The following TRANK1 variants were observed in gnomAD, a reference collection of about 807,000 sequenced individuals.
The protein encoded by TRANK1 is TPR and ankyrin repeat-containing protein 1.
In TRANK1, 198 loss-of-function variants were observed where a neutral mutation model predicts 266.0. The observed-to-expected ratio is 0.74, with a 90% CI of 0.66 to 0.84. TRANK1 has a LOEUF of 0.84. Ranked by LOEUF, TRANK1 falls within the 40% of genes least tolerant of loss-of-function variation. TRANK1 has a pLI of 0.00. For missense variants in TRANK1, 3,326 were observed against 3,634.6 expected (o/e 0.92, Z 2.18); for synonymous variants, 1,396 against 1,384.1 (o/e 1.01, Z -0.19).
At chr3:36,878,285 C>A (rs1327994037) in intron 8 of TRANK1, among the ~76,000 whole-genome samples, 3 of 152,300 alleles carry the variant, frequency 2.0e-5, no homozygotes, top group Non-Finnish European at 4.4e-5. Context: ...AAACCATCCT[C>A]TTCTCCCACC....
chr3:36,868,674 G>C (rs1436440973), intron 9 of TRANK1, among the ~76,000 whole-genome samples: 5 of 151,958 alleles, frequency 3.3e-5, no homozygotes, highest in Admixed American at 2.0e-4. Context: ...TTTTCTGGCA[G>C]GTACAATTAC....
At chr3:36,834,237 T>C (rs1287185635) in intron 21 of TRANK1, 1 of 242,534 alleles carries the variant, frequency 4.1e-6, no homozygotes, top group Admixed American at 5.1e-5. Context: ...TTATGCATAG[T>C]CTAAATTATC....
rs771757594 is a variant in TRANK1 at position 36,857,383 on chromosome 3, G to T, written c.2339C>A (p.Ala780Asp). ...KDDKPTLGAGAPDCSEVGEGH... is the reference protein window; with the variant it reads ...KDDKPTLGAGDPDCSEVGEGH... Reference sequence around the variant, plus strand: ...TTCCCCCACCTCACTACAGTCAGGGGCCCCTGCACCCAGAGTCGGCTTGTC... The same window carrying T: ...TTCCCCCACCTCACTACAGTCAGGGTCCCCTGCACCCAGAGTCGGCTTGTC... Residue 780 changes from alanine to aspartate, a missense_variant, in exon 13 of 24, where the codon GCC (alanine) becomes GAC (aspartate). Transcript: ENST00000645898. The surrounding 1 kb of genome is among the most constrained non-coding windows in gnomAD (Gnocchi z 4.3). The T allele has an allele frequency of 1.2e-6, 2 of 1,610,716 alleles. No homozygotes were observed. The highest frequency in any genetic ancestry group is 1.3e-5 in the African/African-American group (1 of 74,806).
intron 1 of TRANK1, among the ~76,000 whole-genome samples, chr3:36,912,392 C>T (rs2080064756): frequency 6.6e-6 from 1 of 152,156 alleles, no homozygotes; most frequent in Non-Finnish European, 1.5e-5. Context: ...AAGATCAGCA[C>T]CCAGTAAAAT....
intron 9 of TRANK1, among the ~76,000 whole-genome samples, chr3:36,866,046 G>GAAAGAA (rs1491500618): frequency 8.5e-6 from 1 of 117,618 alleles, no homozygotes; most frequent in Non-Finnish European, 1.8e-5. Flanking sequence ...GAGACAGACA[G>GAAAGAA]AAAGAAAAAG....
rs768738796 is a variant in TRANK1, at chr3:36,832,781, T to C, written c.6802A>G (p.Ile2268Val). The C allele has an allele frequency of 2.5e-6, 4 of 1,614,042 alleles. No individual in the cohort carries two copies. The South Asian group carries it at 4.4e-5, about 18-fold the overall frequency. The part of the protein sequence containing the change: ...STDMYGLCKS[I>V]LDVLFPKHFH... ...TGCTTAGGGAAAAGGACATCCAGAA[T>C]GGACTTGCAAAGGCCATACATATCT... The change falls in exon 22 of 24, where the codon ATT (isoleucine) becomes GTT (valine). Residue 2268 changes from isoleucine (I) to valine (V), a missense_variant. By Grantham distance (29) the Ile-to-Val change is conservative. Coordinates refer to ENST00000645898, the MANE Select transcript of TRANK1 (RefSeq NM_001329998.2).
chr3:36,908,088 G>A (rs2079999593), intron 2 of TRANK1, among the ~76,000 whole-genome samples: 1 of 152,222 alleles, frequency 6.6e-6, no homozygotes, highest in African/African-American at 2.4e-5. Context: ...CCCCTAGCCA[G>A]CCAGAACGGG....
intron 23 of TRANK1, among the ~76,000 whole-genome samples, chr3:36,829,159 C>T (rs902819147): frequency 6.6e-6 from 1 of 152,184 alleles, no homozygotes; most frequent in Non-Finnish European, 1.5e-5. Flanking sequence ...AGGCGCAGAA[C>T]AACACTAATA....
intron 1 of TRANK1, among the ~76,000 whole-genome samples, chr3:36,914,948 C>T (rs2080104694): frequency 6.7e-6 from 1 of 148,436 alleles, no homozygotes; most frequent in South Asian, 2.2e-4. Flanking sequence ...TATTTTATTT[C>T]TTTTTTGTTT....
chr3:36,934,057 A>G (rs1380534390), intron 1 of TRANK1, among the ~76,000 whole-genome samples: 6 of 152,246 alleles, frequency 3.9e-5, no homozygotes, highest in African/African-American at 1.4e-4. Flanking sequence ...GGCATGCTCT[A>G]GATGGCTGCT....
At chr3:36,919,334 T>C (rs2080181537) in intron 1 of TRANK1, among the ~76,000 whole-genome samples, 1 of 152,244 alleles carries the variant, frequency 6.6e-6, no homozygotes, top group Admixed American at 6.5e-5. Flanking sequence ...TTCACCACTA[T>C]TCTGATCTGT....
Position 36,832,359 on chromosome 3 carries a change from C to G in TRANK1, c.7224G>C (p.Arg2408=). 6.2e-7 allele frequency: 1 copy of G among 1,614,022 alleles called. No individual in the cohort carries two copies. Among genetic ancestry groups the G allele is most frequent in the Non-Finnish European group, 8.5e-7 (1 of 1,179,890 alleles). ...NMDKTHLCFI[R]LLENCIDQFY... ...ATTGATCAATGCAATTCTCCAGAAG[C>G]CGGATGAAGCACAGGTGGGTCTTGT... The change falls in exon 22 of 24, where the codon CGG becomes CGC. Residue 2408 remains arginine (R), a synonymous_variant. Transcript: ENST00000645898.
At chr3:36,898,623 G>A (rs540629002) in intron 4 of TRANK1, among the ~76,000 whole-genome samples, 21 of 152,234 alleles carry the variant, frequency 1.4e-4, no homozygotes, top group African/African-American at 3.6e-4. Flanking sequence ...AGGCCAAGGC[G>A]GGCGGATCAC....
intron 1 of TRANK1, among the ~76,000 whole-genome samples, chr3:36,932,605 A>T (rs2080375121): frequency 6.6e-6 from 1 of 152,248 alleles, no homozygotes; most frequent in Non-Finnish European, 1.5e-5. Context: ...AGTTAGAGCT[A>T]TCAGAGTGTC....
intron 4 of TRANK1, among the ~76,000 whole-genome samples, chr3:36,898,612 G>T (rs1315476688): frequency 1.3e-5 from 2 of 152,148 alleles, no homozygotes; most frequent in African/African-American, 4.8e-5. Flanking sequence ...AGCACTTTGG[G>T]AGGCCAAGGC....
rs1042692693 is a variant in TRANK1 at position 36,846,113 on chromosome 3, A to G, written c.5191+135T>C. ...CATGCACCTTGGCAAATGTGTAACA[A>G]CTTCCATTTCTCAGAAGATTGTGGA... On this transcript the variant is annotated intron_variant, in intron 17 of 23. Transcript: ENST00000645898. The G allele has an allele frequency of 1.2e-5, 12 of 1,012,654 alleles. No individual in the cohort carries two copies. In the African/African-American group the frequency reaches 1.8e-4, roughly 15 times the overall value. The allele number at this position is 1,012,654 out of a possible 1,614,324, so 62.7% of individuals were successfully genotyped here.
At chr3:36,913,172 G>C (rs2080076663) in intron 1 of TRANK1, among the ~76,000 whole-genome samples, 1 of 151,902 alleles carries the variant, frequency 6.6e-6, no homozygotes, top group South Asian at 2.1e-4. Context: ...TTCCTGAGTA[G>C]CTGGGATTAC....
At chr3:36,898,092 G>A (rs956866516) in intron 4 of TRANK1, among the ~76,000 whole-genome samples, 3 of 152,154 alleles carry the variant, frequency 2.0e-5, no homozygotes, top group Non-Finnish European at 4.4e-5. Flanking sequence ...ACCCGCCATC[G>A]GCCCTTCCAG....
chr3:36,919,680 A>G (rs938922373), intron 1 of TRANK1, among the ~76,000 whole-genome samples: 1 of 152,238 alleles, frequency 6.6e-6, no homozygotes, highest in African/African-American at 2.4e-5. Context: ...TACTTTTAGT[A>G]GAGACTGCCA....
Sources: gnomAD v4.1 joint callset for allele counts (sites outside exome capture counted in the v4.1 genomes callset) on GRCh38, gnomAD v4.1.1 for gene constraint, Gnocchi (gnomAD v3.1) non-coding constraint, MANE v1.5 for transcripts, NCBI Gene and HGNC (gene_info 2026-07-23, HGNC 2026-07-21) for gene names.